The following CLNK variants were observed in gnomAD, a reference collection of about 807,000 sequenced individuals.
CLNK encodes the protein cytokine dependent hematopoietic cell linker, also known as cytokine-dependent hematopoietic cell linker.
CLNK carries 74 observed loss-of-function variants against 68.6 expected under a neutral mutation model. That is an observed-to-expected ratio of 1.08 (90% CI 0.89 to 1.31). CLNK has a LOEUF of 1.31. Ranked by LOEUF, CLNK falls within the 50% of genes most tolerant of loss-of-function variation. CLNK has a pLI of 0.00. For synonymous variants in CLNK, 198 were observed against 172.2 expected, an observed-to-expected ratio of 1.15 and a Z score of -1.17; for missense variants, 553 against 515.3, an observed-to-expected ratio of 1.07 and a Z score of -0.71.
At chr4:10,543,818 T>G (rs866588258) in intron 8 of CLNK, among the ~76,000 whole-genome samples, 8 of 152,250 alleles carry the variant, frequency 5.3e-5, no homozygotes, top group Admixed American at 3.9e-4. Context: ...CTTCTTTATA[T>G]GAATTCCAAA....
chr4:10,617,787 C>T (rs979593938), intron 2 of CLNK, among the ~76,000 whole-genome samples: 58 of 152,170 alleles, frequency 3.8e-4, no homozygotes, highest in Admixed American at 1.3e-4. Flanking sequence ...TTTGTGGTTC[C>T]AACTCTGCGC....
the CLNK span, among the ~76,000 whole-genome samples, chr4:10,699,487 TC>T: frequency 1.4e-5 from 1 of 72,132 alleles, no homozygotes; most frequent in Non-Finnish European, 2.6e-5. Flanking sequence ...TCTCTCTCTC[TC>T]TCTCTCTATA....
intron 2 of CLNK, among the ~76,000 whole-genome samples, chr4:10,648,445 C>T (rs990596792): frequency 6.6e-6 from 1 of 152,136 alleles, no homozygotes; most frequent in African/African-American, 2.4e-5. Context: ...TCTTATCTAG[C>T]AGAGAAAAGA....
chr4:10,501,264 C>T lies in CLNK; in HGVS notation c.1132G>A (p.Gly378Arg), dbSNP rs527759124. 31 of 1,585,084 alleles carry T rather than the reference C, an allele frequency of 2.0e-5. No homozygotes were observed. The Admixed American group carries it at 2.4e-4, about 12-fold the overall frequency. Residue 378 changes from glycine (G) to arginine (R), a missense_variant, in exon 18 of 19, where the codon GGA becomes AGA. Physicochemically the swap from Gly to Arg is moderately radical, Grantham distance 125 (BLOSUM62 -2). Transcript: ENST00000226951. ...TGTTAAGTTATACCCACCTCATCTC[C>T]TCTGAGTCCTGTCCCCAGGGCAAAC... is the stretch of plus-strand genomic sequence containing the variant. ...QQFALGTGLR[G>R]DEKFDSVEDI...
chr4:10,660,574 T>C (rs1231797945), intron 2 of CLNK, among the ~76,000 whole-genome samples: 4 of 152,232 alleles, frequency 2.6e-5, no homozygotes, highest in African/African-American at 9.6e-5. Flanking sequence ...TTATTATTCT[T>C]TGTGACATTT....
At chr4:10,624,333 G>A (rs1722575374) in intron 2 of CLNK, among the ~76,000 whole-genome samples, 1 of 152,262 alleles carries the variant, frequency 6.6e-6, no homozygotes, top group South Asian at 2.1e-4. Context: ...TTGAGACGGA[G>A]TCTCGCTCTG....
intron 2 of CLNK, among the ~76,000 whole-genome samples, chr4:10,651,305 C>G (rs1425160212): frequency 6.6e-6 from 1 of 152,182 alleles, no homozygotes; most frequent in Non-Finnish European, 1.5e-5. Context: ...ACCCAAATGC[C>G]CATCAATGAT....
At chr4:10,697,340 G>A in the CLNK span, 1 of 152,140 alleles carries the variant, frequency 6.6e-6, no homozygotes, top group East Asian at 1.9e-4. Context: ...ATGAATACTT[G>A]AGCAGGCCGG....
upstream of CLNK, among the ~76,000 whole-genome samples, chr4:10,688,807 A>G (rs1199675595): frequency 6.6e-6 from 1 of 152,204 alleles, no homozygotes; most frequent in Non-Finnish European, 1.5e-5. Flanking sequence ...CATTTAGTGC[A>G]CATGAAAAGA....
At chr4:10,530,496 A>G (rs1411743786) in intron 12 of CLNK, among the ~76,000 whole-genome samples, 1 of 152,214 alleles carries the variant, frequency 6.6e-6, no homozygotes, top group African/African-American at 2.4e-5. Flanking sequence ...AAAGATAAGG[A>G]GCAAGAATGT....
In CLNK at chr4:10,558,432, C is replaced by G; in HGVS notation, c.420G>C (p.Lys140Asn). Residue 140 changes from lysine to asparagine, a missense_variant, in exon 8 of 19, where the codon AAG (lysine) becomes AAC (asparagine). Physicochemically the swap from Lys to Asn is moderately conservative, Grantham distance 94. Coordinates refer to ENST00000226951, the MANE Select transcript of CLNK (RefSeq NM_052964.4). ...RLERVDKPIS[K>N]DVRSQNIKGD... is the part of the protein sequence containing the mutation. ...CTTTAATGTTTTGGCTTCTGACGTCCTTGGAAATGGGTTTGTCCACCTGTA... is the reference window on the plus strand; with the variant it reads ...CTTTAATGTTTTGGCTTCTGACGTCGTTGGAAATGGGTTTGTCCACCTGTA... 2 of 1,613,828 alleles carry G rather than the reference C, an allele frequency of 1.2e-6. No homozygotes were observed. Among genetic ancestry groups the G allele is most frequent in the Non-Finnish European group, 1.7e-6 (2 of 1,179,816 alleles).
intron 1 of CLNK, among the ~76,000 whole-genome samples, chr4:10,674,716 C>T (rs1463801491): frequency 6.6e-6 from 1 of 152,144 alleles, no homozygotes; most frequent in African/African-American, 2.4e-5. Context: ...GACCAAACAA[C>T]CCCACAGCTT....
chr4:10,575,120 T>C (rs1019923694), intron 4 of CLNK, among the ~76,000 whole-genome samples: 1 of 152,238 alleles, frequency 6.6e-6, no homozygotes, highest in African/African-American at 2.4e-5. Context: ...TATTGTATTC[T>C]GAGTTGAGCC....
chr4:10,718,264 TACTG>T, the CLNK span, among the ~76,000 whole-genome samples: 1 of 152,020 alleles, frequency 6.6e-6, no homozygotes, highest in Admixed American at 6.6e-5. Flanking sequence ...GAGAAATAAA[TACTG>T]ACAACTCTCC....
At chr4:10,732,089 C>T in the CLNK span, among the ~76,000 whole-genome samples, 4 of 152,054 alleles carry the variant, frequency 2.6e-5, no homozygotes, top group African/African-American at 9.7e-5. Flanking sequence ...CAAAAATGAC[C>T]TCAAGATTAT....
the CLNK span, among the ~76,000 whole-genome samples, chr4:10,707,514 C>T: frequency 6.6e-6 from 1 of 152,190 alleles, no homozygotes; most frequent in African/African-American, 2.4e-5. Flanking sequence ...GGTATTCCCC[C>T]TTTTTAGGCT....
chr4:10,490,529 GGA>G lies in CLNK; in HGVS notation c.1223_1224del (p.Val408AlafsTer65). 2 of 1,611,064 alleles carry G rather than the reference GGA, an allele frequency of 1.2e-6. No homozygotes were observed. The highest frequency in any genetic ancestry group is 8.5e-7 in the Non-Finnish European group (1 of 1,178,648). The part of the protein sequence containing the change: ...ILIDGKDKTG[V>X]HRKQCHLTQP... ...TGAGTGAGGTGACACTGTTTCCTGT[GGA>G]CCCCAGTTTTATCTTTCCCATCAAT... On this transcript the variant is annotated frameshift_variant, in exon 19 of 19. Coordinates refer to ENST00000226951, the MANE Select transcript of CLNK (RefSeq NM_052964.4). LOFTEE classifies it low-confidence loss of function (END_TRUNC).
chr4:10,517,237 AAAAG>A (rs1717874317), intron 15 of CLNK, among the ~76,000 whole-genome samples: 2 of 152,298 alleles, frequency 1.3e-5, no homozygotes, highest in South Asian at 4.1e-4. Context: ...ACTTCCAAGA[AAAAG>A]AAAGAAAGGA....
chr4:10,542,852 G>C (rs1324740113), intron 8 of CLNK, among the ~76,000 whole-genome samples: 2 of 151,780 alleles, frequency 1.3e-5, no homozygotes, highest in Non-Finnish European at 2.9e-5. Context: ...CAAACTAGGT[G>C]GGATAATTTC....
Sources: gnomAD v4.1 joint callset for allele counts (sites outside exome capture counted in the v4.1 genomes callset) on GRCh38, gnomAD v4.1.1 for gene constraint, MANE v1.5 for transcripts, NCBI Gene and HGNC (gene_info 2026-07-23, HGNC 2026-07-21) for gene names.